Variants in DHX57 observed in about 807,000 individuals in gnomAD.
DHX57 encodes putative ATP-dependent RNA helicase DHX57.
A neutral mutation model predicts 156.2 loss-of-function variants in DHX57; 105 were observed. The observed-to-expected ratio is 0.67, with a 90% CI of 0.57 to 0.79. The LOEUF is 0.79. Ranked by LOEUF, DHX57 falls within the 30% of genes least tolerant of loss-of-function variation. The probability of loss-of-function intolerance (pLI) is 0.00; values close to 1 mark genes in which losing one functional copy is unlikely to be tolerated. For synonymous variants in DHX57, 704 were observed against 595.6 expected (o/e 1.18, Z -2.65); for missense variants, 1,847 against 1,661.9 (o/e 1.11, Z -1.94).
chr2:38,804,986 G>A (rs1669871819), intron 22 of DHX57, among the ~76,000 whole-genome samples: 1 of 152,090 alleles, frequency 6.6e-6, no homozygotes, highest in South Asian at 2.1e-4. Flanking sequence ...GCTTCTTGAG[G>A]GCAGAGACTG....
intron 11 of DHX57, 128 bp from the exon 12 acceptor site, chr2:38,843,338 A>T (rs186994058): frequency 1.1e-6 from 1 of 918,678 alleles, no homozygotes; most frequent in African/African-American, 1.6e-5. Context: ...CCATCCTTCC[A>T]CCAGTCCAGG....
chr2:38,872,635 G>T (rs1354677236), intron 1 of DHX57, among the ~76,000 whole-genome samples: 1 of 151,984 alleles, frequency 6.6e-6, no homozygotes, highest in Non-Finnish European at 1.5e-5. Context: ...CTAGAGATAG[G>T]GATATTTCTT....
intron 21 of DHX57, among the ~76,000 whole-genome samples, chr2:38,812,841 CTTGTTTGT>C (rs71693783): frequency 7.5e-6 from 1 of 132,624 alleles, no homozygotes; most frequent in African/African-American, 2.9e-5. Context: ...CCCTTATTTA[CTTGTTTGT>C]TTGTTTGTTT....
rs886069425 is a variant in DHX57 at position 38,868,129 on chromosome 2, C to T, written c.224+53G>A. The T allele has an allele frequency of 6.9e-6, 11 of 1,595,098 alleles. No homozygotes were observed. In the African/African-American group the frequency reaches 8.0e-5, roughly 12 times the overall value. The stretch of plus-strand genomic sequence containing the variant: ...ATTCTCAGCCATCTGTTGTCCCATA[C>T]ATTAGGGGTTGATACCATTTCCATA... On this transcript the variant is annotated intron_variant, in intron 2 of 23. Coordinates refer to ENST00000457308, the MANE Select transcript of DHX57 (RefSeq NM_198963.3).
chr2:38,822,459 G>A (rs6723868), intron 17 of DHX57, among the ~76,000 whole-genome samples: 42,267 of 151,428 alleles, frequency 0.28, 5,986 homozygotes, highest in Admixed American at 0.31. Context: ...GTGGTGGCGC[G>A]ATCTCGGCTC....
At chr2:38,800,740 A>G (rs1669643427) in intron 23 of DHX57, among the ~76,000 whole-genome samples, 1 of 152,134 alleles carries the variant, frequency 6.6e-6, no homozygotes, top group South Asian at 2.1e-4. Flanking sequence ...TTTCGATACC[A>G]CTAGGTTAAC....
intron 17 of DHX57, among the ~76,000 whole-genome samples, chr2:38,820,923 T>A (rs756162): frequency 2.6e-4 from 38 of 144,816 alleles, no homozygotes; most frequent in African/African-American, 9.6e-4. Flanking sequence ...CAGCAAAAAA[T>A]CCTTTCTTCT....
intron 23 of DHX57, among the ~76,000 whole-genome samples, chr2:38,798,853 G>C (rs1209575573): frequency 6.6e-6 from 1 of 152,162 alleles, no homozygotes; most frequent in African/African-American, 2.4e-5. Context: ...TGAGGCAGGA[G>C]AATGGCTTGA....
At chr2:38,816,218 A>AT (rs368002198) in intron 19 of DHX57, 16,381 of 415,334 alleles carry the variant, frequency 0.039, no homozygotes, top group South Asian at 0.059. Flanking sequence ...GTGATTCAAT[A>AT]TTTTTTTTTT....
chr2:38,814,462 A>T (rs1482295165), intron 20 of DHX57, among the ~76,000 whole-genome samples: 2 of 152,212 alleles, frequency 1.3e-5, no homozygotes, highest in African/African-American at 4.8e-5. Context: ...AGTGTTCCTG[A>T]GTATAAATGG....
intron 1 of DHX57, 53 bp from the exon 2 acceptor site, chr2:38,868,464 A>G: frequency 8.3e-6 from 13 of 1,557,324 alleles, no homozygotes; most frequent in Non-Finnish European, 1.0e-5. Flanking sequence ...ATGTATGATA[A>G]TCCTTTGTTT....
chr2:38,829,342 T>G (rs900016346), intron 13 of DHX57, among the ~76,000 whole-genome samples: 3 of 151,222 alleles, frequency 2.0e-5, no homozygotes, highest in Admixed American at 1.3e-4. Context: ...AGTGCAATGA[T>G]GTGATCTCAG....
rs1218507207 is a variant in DHX57 at position 38,826,019 on chromosome 2, G to C, written c.2842C>G (p.Leu948Val). 6.2e-7 allele frequency: 1 copy of C among 1,614,152 alleles called. No individual in the cohort carries two copies. Among genetic ancestry groups the C allele is most frequent in the South Asian group, 1.1e-5 (1 of 91,076 alleles). The change falls in exon 16 of 24, where the codon CTA becomes GTA. Residue 948 changes from leucine to valine, a missense_variant. By Grantham distance (32) the Leu-to-Val change is conservative (BLOSUM62 1). Transcript: ENST00000457308. ...GCTTGAGATACAAAGGTGTCCTCTAGACTTTCCATCCCTTTGCTGGCATCA... is the reference window on the plus strand; with the variant it reads ...GCTTGAGATACAAAGGTGTCCTCTACACTTTCCATCCCTTTGCTGGCATCA... ...RYDASKGMES[L>V]EDTFVSQANA...
Position 38,861,784 on chromosome 2 carries a change from T to A in DHX57, c.626A>T (p.Asp209Val). 6.2e-7 allele frequency: 1 copy of A among 1,613,848 alleles called. No homozygotes were observed. Among genetic ancestry groups the A allele is most frequent in the South Asian group, 1.1e-5 (1 of 91,036 alleles). ...GAGATGCTCTAGTGATGCTCCCACA[T>A]CTCCATCACACATCCTCAGGACCGC... Reference protein sequence around the residue: ...CQAVLRMCDGDVGASLEHLLT... With the variant: ...CQAVLRMCDGVVGASLEHLLT... The change falls in exon 5 of 24, where the codon GAT becomes GTT. Residue 209 changes from aspartate to valine, a missense_variant. Coordinates refer to ENST00000457308, the MANE Select transcript of DHX57 (RefSeq NM_198963.3).
intron 9 of DHX57, among the ~76,000 whole-genome samples, chr2:38,852,545 T>G (rs2124906849): frequency 6.6e-6 from 1 of 151,902 alleles, no homozygotes; most frequent in Admixed American, 6.6e-5. Context: ...CATGACAAAC[T>G]ATGATTAATG....
chr2:38,799,621 A>T (rs1669572010), intron 23 of DHX57, among the ~76,000 whole-genome samples: 1 of 150,336 alleles, frequency 6.7e-6, no homozygotes. Flanking sequence ...ATGGTGGCAC[A>T]TGCCTGTAAT....
intron 1 of DHX57, among the ~76,000 whole-genome samples, chr2:38,873,136 C>T (rs1246964693): frequency 2.6e-5 from 4 of 152,144 alleles, no homozygotes; most frequent in Admixed American, 6.5e-5. Flanking sequence ...TACAGGCACC[C>T]GCCACCATGC....
At chr2:38,812,523 G>A (rs560598553) in intron 21 of DHX57, among the ~76,000 whole-genome samples, 1 of 152,252 alleles carries the variant, frequency 6.6e-6, no homozygotes, top group Non-Finnish European at 1.5e-5. Flanking sequence ...TGGTCTTATG[G>A]CAAAGCACTG....
At position 38,837,473 on chromosome 2, in the gene DHX57, TG is replaced by T. The variant is rs1475420767; in HGVS notation, c.2542+357del. 2.0e-5 allele frequency among the ~76,000 whole-genome samples: 3 copies of T among 151,498 alleles called. No individual in the cohort carries two copies. In the East Asian group the frequency reaches 5.8e-4, roughly 29 times the overall value. ...TAAAAAATACAAAATTAGCCAGGTG[TG>T]GTGGCACATGCTTGTAATCCCAGCT... On this transcript the variant is annotated intron_variant, in intron 13 of 23. Coordinates refer to ENST00000457308, the MANE Select transcript of DHX57 (RefSeq NM_198963.3).
Sources: allele counts gnomAD v4.1 joint callset (sites outside exome capture counted in the v4.1 genomes callset), GRCh38; gene constraint gnomAD v4.1.1; transcripts MANE v1.5; gene names NCBI Gene and HGNC (gene_info 2026-07-23, HGNC 2026-07-21).